Variants in PDLIM1 observed in about 807,000 individuals in gnomAD.
The protein encoded by PDLIM1 is PDZ and LIM domain 1.
Under a neutral mutation model 35.2 loss-of-function variants are expected in PDLIM1, and 25 were observed. The observed-to-expected ratio is 0.71, with a 90% CI of 0.52 to 0.99. The LOEUF is 0.99. Among genes scored for constraint, PDLIM1 ranks in the 50% least tolerant of loss-of-function variants. PDLIM1 has a pLI of 0.00. For missense variants in PDLIM1, 363 were observed against 415.3 expected, an observed-to-expected ratio of 0.87 and a Z score of 1.09; for synonymous variants, 152 against 154.0, an observed-to-expected ratio of 0.99 and a Z score of 0.10.
rs1344899465 is a variant in PDLIM1, at chr10:95,238,592, C to A, written c.779G>T (p.Cys260Phe). 3 of 1,612,134 alleles carry A rather than the reference C, an allele frequency of 1.9e-6. No individual in the cohort carries two copies. In the South Asian group the frequency reaches 3.3e-5, roughly 18 times the overall value. Residue 260 changes from cysteine to phenylalanine, a missense_variant, in exon 6 of 7, where the codon TGT (cysteine) becomes TTT (phenylalanine). Physicochemically the swap from Cys to Phe is radical, Grantham distance 205 (BLOSUM62 -2). Transcript: ENST00000329399. ...SIGNAQKLPM[C>F]DKCGTGIVGV... ...CACAATCCCAGTGCCACATTTGTCACACATAGGCAACTTCTGAGCATTTCC... is the reference window on the plus strand; with the variant it reads ...CACAATCCCAGTGCCACATTTGTCAAACATAGGCAACTTCTGAGCATTTCC...
At chr10:95,272,465 G>A (rs2035473833) in intron 1 of PDLIM1, among the ~76,000 whole-genome samples, 1 of 152,080 alleles carries the variant, frequency 6.6e-6, no homozygotes, top group African/African-American at 2.4e-5. Flanking sequence ...ATCACCTGAG[G>A]CCACGAGTTT....
chr10:95,269,284 C>G (rs1444164328), intron 2 of PDLIM1, among the ~76,000 whole-genome samples: 1 of 152,120 alleles, frequency 6.6e-6, no homozygotes, highest in Non-Finnish European at 1.5e-5. Context: ...GAAAATAATG[C>G]CTCTTGGCCG....
At chr10:95,245,885 T>C (rs917783383) in intron 5 of PDLIM1, among the ~76,000 whole-genome samples, 1 of 152,126 alleles carries the variant, frequency 6.6e-6, no homozygotes, top group Non-Finnish European at 1.5e-5. Context: ...CAGAAAGGGC[T>C]CCCCAGGAAG....
At chr10:95,283,981 CTGTGTGTGTG>C (rs3979535) in intron 1 of PDLIM1, among the ~76,000 whole-genome samples, 94 of 150,318 alleles carry the variant, frequency 6.3e-4, no homozygotes, top group African/African-American at 1.0e-3. Flanking sequence ...GCCTTTTTCT[CTGTGTGTGTG>C]TGTGTGTGTG....
chr10:95,241,127 C>T (rs564871700), intron 5 of PDLIM1, among the ~76,000 whole-genome samples: 75 of 152,308 alleles, frequency 4.9e-4, no homozygotes, highest in African/African-American at 9.1e-4. Flanking sequence ...GTCGGGCAAT[C>T]GCGGGGCTGA....
intron 1 of PDLIM1, among the ~76,000 whole-genome samples, chr10:95,283,431 G>A (rs1354597836): frequency 6.6e-6 from 1 of 152,190 alleles, no homozygotes; most frequent in East Asian, 1.9e-4. Flanking sequence ...TATCAAAAAT[G>A]TATTTTTCCC....
At chr10:95,242,465 T>C (rs1037290505) in intron 5 of PDLIM1, among the ~76,000 whole-genome samples, 52 of 151,958 alleles carry the variant, frequency 3.4e-4, no homozygotes, top group African/African-American at 1.3e-3. Flanking sequence ...GGCGGGCAGA[T>C]CACTTGAGGT....
rs576941647 is a variant in PDLIM1 at position 95,248,454 on chromosome 10, C to T, written c.534-1088G>A. 5.3e-5 allele frequency among the ~76,000 whole-genome samples: 8 copies of T among 152,248 alleles called. No homozygotes were observed. The South Asian group carries it at 1.7e-3, about 32-fold the overall frequency. On this transcript the variant is annotated intron_variant, in intron 4 of 6. Transcript: ENST00000329399. Reference sequence around the variant, plus strand: ...GTAGAGACAGAGTCTTGCTGTGTTGCCCAGGCTGGTCTCAAAGTCCCAGCC... The same window carrying T: ...GTAGAGACAGAGTCTTGCTGTGTTGTCCAGGCTGGTCTCAAAGTCCCAGCC...
chr10:95,252,822 T>C (rs1180402982), intron 4 of PDLIM1, among the ~76,000 whole-genome samples: 1 of 151,720 alleles, frequency 6.6e-6, no homozygotes, highest in African/African-American at 2.4e-5. Context: ...ATATTAGAAA[T>C]TATACAATTT....
At chr10:95,276,895 C>CAAAAA (rs1564605427) in intron 1 of PDLIM1, among the ~76,000 whole-genome samples, 1 of 37,590 alleles carries the variant, frequency 2.7e-5, no homozygotes, top group Non-Finnish European at 5.0e-5. Flanking sequence ...CTTCAGTTTC[C>CAAAAA]TAAAAAAAAA....
Position 95,256,994 on chromosome 10 carries a change from G to GAAAAGAAAAGAAAAGAAAAGA in PDLIM1, c.533+6869_533+6870insTCTTTTCTTTTCTTTTCTTTT, listed in dbSNP as rs773386796. On this transcript the variant is annotated intron_variant, in intron 4 of 6. Coordinates refer to ENST00000329399, the MANE Select transcript of PDLIM1 (RefSeq NM_020992.4). The stretch of plus-strand genomic sequence containing the variant: ...CATCTTAAAAAAAAAAAAAAAGAAA[G>GAAAAGAAAAGAAAAGAAAAGA]AAAGAAAGAAAGAAAGAAAGAAAGA... 8.2e-5 allele frequency among the ~76,000 whole-genome samples: 9 copies of GAAAAGAAAAGAAAAGAAAAGA among 110,256 alleles called. 2 individuals are homozygous for GAAAAGAAAAGAAAAGAAAAGA. Among genetic ancestry groups the GAAAAGAAAAGAAAAGAAAAGA allele is most frequent in the Admixed American group, 1.9e-4 (2 of 10,454 alleles). The allele number at this position is 110,256 out of a possible 152,430, so 72.3% of individuals were successfully genotyped here.
intron 4 of PDLIM1, among the ~76,000 whole-genome samples, chr10:95,262,061 A>ACTCT (rs2035368392): frequency 6.6e-6 from 1 of 151,846 alleles, no homozygotes; most frequent in African/African-American, 2.4e-5. Context: ...AGTGTCAGGC[A>ACTCT]CAGGGAACAG....
chr10:95,248,787 C>T (rs919982919), intron 4 of PDLIM1, among the ~76,000 whole-genome samples: 1 of 152,220 alleles, frequency 6.6e-6, no homozygotes, highest in African/African-American at 2.4e-5. Context: ...ACCAGGCTTC[C>T]CGCTGTGCCT....
intron 5 of PDLIM1, among the ~76,000 whole-genome samples, chr10:95,244,239 C>A (rs1176107600): frequency 1.3e-5 from 2 of 152,104 alleles, no homozygotes; most frequent in Non-Finnish European, 2.9e-5. Context: ...TGAATTTTAC[C>A]CAAAATGAGA....
chr10:95,238,476 C>G, intron 6 of PDLIM1, 92 bp downstream of exon 6: 1 of 854,868 alleles, frequency 1.2e-6, no homozygotes, highest in Non-Finnish European at 2.0e-6. Context: ...GTCTCCCTCA[C>G]AAGCAAAATG....
chr10:95,290,880 C>T lies in PDLIM1; in HGVS notation c.36G>A (p.Gly12=), dbSNP rs2035647713. ...TTQQIDLQGP[G]PWGFRLVGGK... ...CGCCCACGAGGCGGAAGCCCCACGG[C>T]CCCGGGCCCTGGAGGTCTATCTGCT... Residue 12 remains glycine (G), a synonymous_variant, in exon 1 of 7, where the codon GGG becomes GGA. Coordinates refer to ENST00000329399, the MANE Select transcript of PDLIM1 (RefSeq NM_020992.4). The surrounding 1 kb of genome is among the most constrained non-coding windows in gnomAD (Gnocchi z 4.7). The T allele has an allele frequency of 1.3e-6, 2 of 1,563,912 alleles. No homozygotes were observed. Among genetic ancestry groups the T allele is most frequent in the Non-Finnish European group, 1.7e-6 (2 of 1,154,770 alleles).
intron 5 of PDLIM1, among the ~76,000 whole-genome samples, chr10:95,240,861 A>G (rs2035172177): frequency 6.6e-6 from 1 of 152,146 alleles, no homozygotes; most frequent in Non-Finnish European, 1.5e-5. Context: ...CACTCATCAC[A>G]TCTTAGGTAA....
At chr10:95,280,984 C>T (rs1319888038) in intron 1 of PDLIM1, among the ~76,000 whole-genome samples, 1 of 152,146 alleles carries the variant, frequency 6.6e-6, no homozygotes, top group Non-Finnish European at 1.5e-5. Context: ...CAAAGACAGC[C>T]TATACAGTGA....
intron 1 of PDLIM1, among the ~76,000 whole-genome samples, chr10:95,287,876 G>C (rs939866844): frequency 5.8e-4 from 88 of 151,176 alleles, no homozygotes; most frequent in Middle Eastern, 3.4e-3. Context: ...AGTTGATAAC[G>C]ATACTAGATG....
Sources: allele counts gnomAD v4.1 joint callset (sites outside exome capture counted in the v4.1 genomes callset), GRCh38; gene constraint gnomAD v4.1.1; non-coding constraint Gnocchi (gnomAD v3.1); transcripts MANE v1.5; gene names NCBI Gene and HGNC (gene_info 2026-07-23, HGNC 2026-07-21).